PTPN3: variants seen among roughly 807,000 people sequenced by gnomAD.
PTPN3 encodes the protein protein tyrosine phosphatase non-receptor type 3, also known as tyrosine-protein phosphatase non-receptor type 3.
Under a neutral mutation model 132.7 loss-of-function variants are expected in PTPN3, and 96 were observed. The observed-to-expected ratio is 0.72, with a 90% confidence interval of 0.61 to 0.86. The LOEUF is 0.86. Ranked by LOEUF, PTPN3 falls within the 40% of genes least tolerant of loss-of-function variation. The pLI is 0.00. For synonymous variants in PTPN3, 398 were observed against 429.0 expected (o/e 0.93, Z 0.89); for missense variants, 1,125 against 1,159.6 (o/e 0.97, Z 0.43).
chr9:109,479,009 GTT>G (rs796293710), intron 1 of PTPN3, among the ~76,000 whole-genome samples: 1 of 140,600 alleles, frequency 7.1e-6, no homozygotes, highest in Non-Finnish European at 1.6e-5. Context: ...GTAAACAAGC[GTT>G]TTTTTTTTTT....
At chr9:109,457,909 G>A (rs1845648623) in intron 2 of PTPN3, among the ~76,000 whole-genome samples, 1 of 152,234 alleles carries the variant, frequency 6.6e-6, no homozygotes, top group Non-Finnish European at 1.5e-5. Flanking sequence ...TACCCTCAGA[G>A]TGATGTGGCC....
In PTPN3 at chr9:109,408,326, A is replaced by C; in HGVS notation, c.1630T>G (p.Ser544Ala). ...PLVVSRINPE[S>A]PADTCIPKLN... ...CATGGAATGTATTTACTTACAGGTG[A>C]CTCTGGGTTTATCCTTGATACCACA... The change falls in exon 17 of 26, where the codon TCA (serine) becomes GCA (alanine). Residue 544 changes from serine (S) to alanine (A), a missense_variant. Ser to Ala is a moderately conservative substitution (Grantham distance 99, BLOSUM62 1). Coordinates refer to ENST00000374541, the MANE Select transcript of PTPN3 (RefSeq NM_002829.4). 9 of 1,569,662 alleles carry C rather than the reference A, an allele frequency of 5.7e-6. No homozygotes were observed. The highest frequency in any genetic ancestry group is 7.8e-6 in the Non-Finnish European group (9 of 1,151,444).
chr9:109,426,437 A>C (rs1345906084), intron 12 of PTPN3, among the ~76,000 whole-genome samples: 1 of 152,210 alleles, frequency 6.6e-6, no homozygotes, highest in African/African-American at 2.4e-5. Context: ...TTATGTGCCC[A>C]GCACAAAGTA....
At chr9:109,454,095 A>G (rs1041290610) in intron 5 of PTPN3, among the ~76,000 whole-genome samples, 4 of 152,176 alleles carry the variant, frequency 2.6e-5, no homozygotes, top group African/African-American at 9.7e-5. Flanking sequence ...CTCTTCAGAG[A>G]CATCATGCTA....
chr9:109,464,823 C>T (rs1588471086), intron 1 of PTPN3, among the ~76,000 whole-genome samples: 1 of 152,110 alleles, frequency 6.6e-6, no homozygotes. Context: ...TGAGACACAA[C>T]AGATTATCTG....
rs553419429 is a variant in PTPN3, at chr9:109,378,533, A to T, written c.*1023T>A. ...AATTTGAATCGTTAGGAATCCTGAGAAACACTCACCCCTGGGCACACACAT... is the reference window on the plus strand; with the variant it reads ...AATTTGAATCGTTAGGAATCCTGAGTAACACTCACCCCTGGGCACACACAT... On this transcript the variant is annotated 3_prime_UTR_variant, in exon 26 of 26. Transcript: ENST00000374541. The T allele has an allele frequency of 2.0e-5, 3 of 152,762 alleles. No homozygotes were observed. In the East Asian group the frequency reaches 5.8e-4, roughly 29 times the overall value. 9.5% of individuals were successfully genotyped at this position (152,762 alleles called of 1,614,324 possible). A position where few individuals can be genotyped will look rare whatever the true frequency, so the allele number is the denominator to read the frequency against.
At chr9:109,529,663 G>A in the PTPN3 span, among the ~76,000 whole-genome samples, 7 of 152,032 alleles carry the variant, frequency 4.6e-5, no homozygotes, top group African/African-American at 7.3e-5. Flanking sequence ...CAAAATACAC[G>A]TAATATAAAG....
the PTPN3 span, chr9:109,533,438 A>T: frequency 1.4e-6 from 2 of 1,408,960 alleles, no homozygotes; most frequent in East Asian, 2.3e-5. Context: ...GAGCCACCGC[A>T]CCTGGCCGGT....
At chr9:109,463,494 T>C (rs2274786) in intron 1 of PTPN3, 43 bp from the exon 2 acceptor site, 552,136 of 1,560,516 alleles carry the variant, frequency 0.35, 99,863 homozygotes, top group African/African-American at 0.47. Context: ...ATATGCGAAT[T>C]GTCAGTTACT....
At chr9:109,515,420 G>C in the PTPN3 span, among the ~76,000 whole-genome samples, 3 of 152,112 alleles carry the variant, frequency 2.0e-5, no homozygotes, top group South Asian at 2.1e-4. Context: ...GAGCGCAGGG[G>C]GGGTCTTATA....
chr9:109,399,626 G>A (rs974727198), intron 19 of PTPN3, among the ~76,000 whole-genome samples: 4 of 139,282 alleles, frequency 2.9e-5, no homozygotes, highest in Non-Finnish European at 6.5e-5. Flanking sequence ...AGCCACAGGA[G>A]GGACTTTTTT....
chr9:109,457,112 A>T (rs769366234), intron 4 of PTPN3, 61 bp downstream of exon 4: 2 of 1,546,390 alleles, frequency 1.3e-6, no homozygotes, highest in East Asian at 4.5e-5. Flanking sequence ...ATTGGAGGGG[A>T]GAAACAGGCT....
At chr9:109,416,451 CTT>C (rs1156941196) in intron 14 of PTPN3, among the ~76,000 whole-genome samples, 8 of 132,574 alleles carry the variant, frequency 6.0e-5, no homozygotes, top group Admixed American at 8.2e-5. Flanking sequence ...TTTTTTGTTT[CTT>C]TTTTTTTTTT....
chr9:109,405,740 G>A (rs1432505546), intron 18 of PTPN3, among the ~76,000 whole-genome samples: 1 of 152,154 alleles, frequency 6.6e-6, no homozygotes, highest in Non-Finnish European at 1.5e-5. Context: ...TACCCACATG[G>A]CACCATGCCT....
the PTPN3 span, among the ~76,000 whole-genome samples, chr9:109,518,524 C>G: frequency 9.2e-5 from 14 of 152,172 alleles, no homozygotes; most frequent in African/African-American, 2.7e-4. Flanking sequence ...TCTGTGTGGT[C>G]TGGGTGCCTC....
At chr9:109,433,426 C>T (rs1349177408) in intron 9 of PTPN3, among the ~76,000 whole-genome samples, 2 of 152,188 alleles carry the variant, frequency 1.3e-5, no homozygotes, top group Non-Finnish European at 2.9e-5. Flanking sequence ...CCCACTCATT[C>T]CACGGAATCA....
intron 14 of PTPN3, among the ~76,000 whole-genome samples, chr9:109,412,595 G>A (rs1390738046): frequency 6.6e-6 from 1 of 152,026 alleles, no homozygotes; most frequent in African/African-American, 2.4e-5. Flanking sequence ...AGATAGTCTC[G>A]ATCTCTTGAC....
chr9:109,486,712 G>A (rs1409482065), intron 1 of PTPN3, among the ~76,000 whole-genome samples: 1 of 152,152 alleles, frequency 6.6e-6, no homozygotes, highest in Admixed American at 6.5e-5. Context: ...TGGTTTGGTT[G>A]TGTCCCCACA....
the PTPN3 span, among the ~76,000 whole-genome samples, chr9:109,512,181 C>T: frequency 6.6e-6 from 1 of 152,134 alleles, no homozygotes; most frequent in Non-Finnish European, 1.5e-5. Flanking sequence ...TCCACCTGGC[C>T]GTGCATCAGA....
Sources: gnomAD v4.1 joint callset for allele counts (sites outside exome capture counted in the v4.1 genomes callset) on GRCh38, gnomAD v4.1.1 for gene constraint, MANE v1.5 for transcripts, NCBI Gene and HGNC (gene_info 2026-07-23, HGNC 2026-07-21) for gene names.